SLC6A6: variants seen among roughly 807,000 people sequenced by gnomAD.
SLC6A6 encodes the protein solute carrier family 6 member 6, also known as sodium- and chloride-dependent taurine transporter.
SLC6A6 carries 16 observed loss-of-function variants against 68.8 expected under a neutral mutation model. The observed-to-expected ratio is 0.23, with a 90% CI of 0.16 to 0.35. The LOEUF (loss-of-function observed/expected upper bound fraction) is 0.35. SLC6A6 is among the 10% of genes least tolerant of loss of function. SLC6A6 has a pLI of 1.00. For synonymous variants in SLC6A6, 312 were observed against 315.4 expected (o/e 0.99, Z 0.12); for missense variants, 474 against 802.8 (o/e 0.59, Z 4.95).
chr3:14,434,468 C>A (rs1246688910), intron 2 of SLC6A6, among the ~76,000 whole-genome samples: 2 of 152,222 alleles, frequency 1.3e-5, no homozygotes, highest in Non-Finnish European at 1.5e-5. Context: ...TGGTAGGGCT[C>A]ACCCACTGTC....
chr3:14,420,398 C>T (rs1419130132), intron 2 of SLC6A6, among the ~76,000 whole-genome samples: 1 of 151,992 alleles, frequency 6.6e-6, no homozygotes, highest in African/African-American at 2.4e-5. Context: ...TGTTGTAAGC[C>T]ATGATTTGTT....
chr3:14,483,609 C>G (rs1350496863), intron 14 of SLC6A6, among the ~76,000 whole-genome samples: 2 of 152,176 alleles, frequency 1.3e-5, no homozygotes, highest in African/African-American at 2.4e-5. Context: ...TGGGAGCAAA[C>G]TGGAGAAGGT....
chr3:14,463,683 C>A (rs545304224), intron 6 of SLC6A6, among the ~76,000 whole-genome samples: 4 of 152,348 alleles, frequency 2.6e-5, no homozygotes, highest in East Asian at 1.9e-4. Context: ...TTCTTTCCCC[C>A]CTTCTGTGGC....
rs1004595126 is a variant in SLC6A6, at chr3:14,468,339, C to G, written c.1096+127C>G. On this transcript the variant is annotated intron_variant, in intron 9 of 14. Coordinates refer to ENST00000622186, the MANE Select transcript of SLC6A6 (RefSeq NM_003043.6). This position sits in a 1 kb window ranked among gnomAD's most constrained non-coding sequence, Gnocchi z 4.5. ...CGAGCCTGGTTTCTAAAATGGACCC[C>G]CCCCCCGCCACCAAGATATCCCCCA... 9 of 735,748 alleles carry G rather than the reference C, an allele frequency of 1.2e-5. No homozygotes were observed. The East Asian group carries it at 2.8e-4, about 23-fold the overall frequency. 45.6% of individuals were successfully genotyped at this position (735,748 alleles called of 1,614,324 possible). A position where few individuals can be genotyped will look rare whatever the true frequency, so the allele number is the denominator to read the frequency against.
intron 13 of SLC6A6, 151 bp downstream of exon 13, chr3:14,479,336 T>A: frequency 1.6e-6 from 1 of 616,154 alleles, no homozygotes; most frequent in Non-Finnish European, 2.9e-6. Context: ...GGAGGAAGGC[T>A]GCTCCAGGGA....
chr3:14,423,999 A>C (rs1699536937), intron 2 of SLC6A6, among the ~76,000 whole-genome samples: 1 of 152,050 alleles, frequency 6.6e-6, no homozygotes, highest in African/African-American at 2.4e-5. Context: ...GTCCCAGCTT[A>C]AGGTCATGGA....
intron 2 of SLC6A6, among the ~76,000 whole-genome samples, chr3:14,423,184 A>G (rs962731966): frequency 6.6e-6 from 1 of 152,242 alleles, no homozygotes; most frequent in African/African-American, 2.4e-5. Context: ...AGGACTCTAC[A>G]GCCAGCAGGC....
intron 6 of SLC6A6, among the ~76,000 whole-genome samples, chr3:14,458,921 G>T (rs190248953): frequency 6.6e-6 from 1 of 152,198 alleles, no homozygotes; most frequent in Non-Finnish European, 1.5e-5. Context: ...AAGGTTTTAG[G>T]TATAACTGAT....
At chr3:14,479,927 C>T (rs1700969668) in intron 13 of SLC6A6, among the ~76,000 whole-genome samples, 1 of 152,228 alleles carries the variant, frequency 6.6e-6, no homozygotes. Flanking sequence ...CTGCCATTCA[C>T]GGCTCCACTA....
chr3:14,425,893 G>T (rs1699585465), intron 2 of SLC6A6, among the ~76,000 whole-genome samples: 1 of 152,132 alleles, frequency 6.6e-6, no homozygotes, highest in Non-Finnish European at 1.5e-5. Context: ...AGCCTGCGGG[G>T]TCAGTAGTTA....
intron 2 of SLC6A6, among the ~76,000 whole-genome samples, chr3:14,441,547 G>T (rs1237132886): frequency 6.6e-6 from 1 of 152,232 alleles, no homozygotes; most frequent in Non-Finnish European, 1.5e-5. Flanking sequence ...CTGGCCGCCA[G>T]ATAGTGAAAC....
At chr3:14,462,968 G>A (rs1246294334) in intron 6 of SLC6A6, among the ~76,000 whole-genome samples, 3 of 152,192 alleles carry the variant, frequency 2.0e-5, no homozygotes, top group African/African-American at 4.8e-5. Context: ...GGGGAGATAC[G>A]TGGCCTGTAT....
At position 14,468,258 on chromosome 3, in the gene SLC6A6, G is replaced by T. The variant is rs765936022; in HGVS notation, c.1096+46G>T. On this transcript the variant is annotated intron_variant, in intron 9 of 14. Coordinates refer to ENST00000622186, the MANE Select transcript of SLC6A6 (RefSeq NM_003043.6). The surrounding 1 kb of genome is among the most constrained non-coding windows in gnomAD (Gnocchi z 4.5). ...GTGGTGGTGGGCACTGCCACCTAGT[G>T]TGTAAGCCAAGTACTGCAGGCATGA... 2.5e-6 allele frequency: 4 copies of T among 1,581,526 alleles called. No homozygotes were observed. The highest frequency in any genetic ancestry group is 3.4e-6 in the Non-Finnish European group (4 of 1,162,136).
intron 6 of SLC6A6, 88 bp from the exon 7 acceptor site, chr3:14,466,428 T>G: frequency 6.9e-7 from 1 of 1,443,076 alleles, no homozygotes; most frequent in Non-Finnish European, 9.4e-7. Context: ...TCCTGACCAG[T>G]GCTCCCCTCT....
At chr3:14,438,559 A>G (rs1479341411) in intron 2 of SLC6A6, among the ~76,000 whole-genome samples, 1 of 152,186 alleles carries the variant, frequency 6.6e-6, no homozygotes, top group Admixed American at 6.5e-5. Context: ...CCCCACCTGT[A>G]GAATGGATGT....
At chr3:14,430,165 G>A (rs1193924939) in intron 2 of SLC6A6, among the ~76,000 whole-genome samples, 1 of 152,206 alleles carries the variant, frequency 6.6e-6, no homozygotes, top group South Asian at 2.1e-4. Flanking sequence ...TTGGGGGCAA[G>A]TCAGACAACT....
rs191330963 is a variant in SLC6A6, at chr3:14,422,189, C to T, written c.-12+5736C>T. ...GGATCCCTGGGGCTGCAGACAGCCT[C>T]GGGGGTTTTGGAGGGCTGGCTCCTC... On this transcript the variant is annotated intron_variant, in intron 2 of 14. Transcript: ENST00000622186. Among the ~76,000 whole-genome samples, 593 of 152,132 alleles carry T rather than the reference C, an allele frequency of 3.9e-3. 2 individuals are homozygous for T. Among genetic ancestry groups the T allele is most frequent in the Middle Eastern group, 0.017 (5 of 294 alleles).
At position 14,481,639 on chromosome 3, in the gene SLC6A6, C is replaced by T; in HGVS notation, c.1552-32C>T. On this transcript the variant is annotated intron_variant, in intron 13 of 14. Transcript: ENST00000622186. This position sits in a 1 kb window ranked among gnomAD's most constrained non-coding sequence, Gnocchi z 4.7. ...GCCCCCCACCCCCCGATGCCCAGGA[C>T]CCCTCTCCTGACTGCCCCCATCTCT... 3.3e-5 allele frequency: 51 copies of T among 1,538,586 alleles called. No homozygotes were observed. The highest frequency in any genetic ancestry group is 4.5e-5 in the Non-Finnish European group (51 of 1,125,406).
intron 1 of SLC6A6, among the ~76,000 whole-genome samples, chr3:14,406,285 T>C (rs939654024): frequency 3.6e-4 from 55 of 152,150 alleles, no homozygotes; most frequent in African/African-American, 1.3e-3. Context: ...GTGTTGATTA[T>C]AGGTGTGAGC....
Sources: gnomAD v4.1 joint callset for allele counts (sites outside exome capture counted in the v4.1 genomes callset) on GRCh38, gnomAD v4.1.1 for gene constraint, Gnocchi (gnomAD v3.1) non-coding constraint, MANE v1.5 for transcripts, NCBI Gene and HGNC (gene_info 2026-07-23, HGNC 2026-07-21) for gene names.